Variants in ESR1 observed in about 807,000 individuals in gnomAD.
The protein encoded by ESR1 is estrogen receptor 1, also known as estrogen receptor.
Under a neutral mutation model 52.7 loss-of-function variants are expected in ESR1, and 12 were observed. The ratio of observed to expected loss-of-function variants is 0.23; its 90% CI spans 0.15 to 0.37. The LOEUF is 0.37. Among genes scored for constraint, ESR1 ranks in the 10% least tolerant of loss-of-function variants. ESR1 has a pLI of 1.00. For missense variants in ESR1, 584 were observed against 779.7 expected (o/e 0.75, Z 2.99); for synonymous variants, 305 against 316.8 (o/e 0.96, Z 0.39).
chr6:151,668,261 C>T (rs1777899118), intron 1 of ESR1, among the ~76,000 whole-genome samples: 1 of 149,990 alleles, frequency 6.7e-6, no homozygotes, highest in Non-Finnish European at 1.5e-5. Context: ...GGTAGAAGGG[C>T]AAAAGAGGAA....
At chr6:152,048,472 C>T (rs917850427) in intron 5 of ESR1, among the ~76,000 whole-genome samples, 1 of 151,276 alleles carries the variant, frequency 6.6e-6, no homozygotes, top group East Asian at 1.9e-4. Flanking sequence ...AAGCCCCATT[C>T]TTTTTCTTCT....
At position 151,938,486 on chromosome 6, in the gene ESR1, G is replaced by T. The variant is rs78913351; in HGVS notation, c.761-5687G>T. ...ACAGATCCTTTTATTTTAGGGCCAGGACATAATTATTTAAGCAGTTGATGT... is the reference window on the plus strand; with the variant it reads ...ACAGATCCTTTTATTTTAGGGCCAGTACATAATTATTTAAGCAGTTGATGT... On this transcript the variant is annotated intron_variant, in intron 3 of 7. Transcript: ENST00000206249. Among the ~76,000 whole-genome samples the T allele has an allele frequency of 8.5e-3, 1,301 of 152,226 alleles. 20 individuals are homozygous for T. Among genetic ancestry groups the T allele is most frequent in the African/African-American group, 0.028 (1,144 of 41,540 alleles).
chr6:151,706,846 G>A (rs1780221169), intron 2 of ESR1, among the ~76,000 whole-genome samples: 2 of 152,178 alleles, frequency 1.3e-5, no homozygotes, highest in Non-Finnish European at 2.9e-5. Context: ...TAAAAAAACA[G>A]CTTTACTGGT....
chr6:151,671,015 G>C (rs1778038219), intron 1 of ESR1, among the ~76,000 whole-genome samples: 1 of 152,046 alleles, frequency 6.6e-6, no homozygotes, highest in African/African-American at 2.4e-5. Context: ...TGATCTGCCT[G>C]CCTCGGCCTC....
intron 2 of ESR1, among the ~76,000 whole-genome samples, chr6:151,845,849 T>C (rs1054693628): frequency 6.6e-6 from 1 of 152,192 alleles, no homozygotes; most frequent in Admixed American, 6.5e-5. Context: ...CAGTTCTTCA[T>C]TCATTCACTT....
At chr6:151,666,696 CCCT>C (rs56871778) in intron 1 of ESR1, among the ~76,000 whole-genome samples, 15,191 of 97,114 alleles carry the variant, frequency 0.16, 1,351 homozygotes, top group Middle Eastern at 0.2. Context: ...TTCCCCATCC[CCCT>C]CCTCCTCCTC....
At chr6:152,103,989 T>TTC (rs1407769342), downstream of ESR1, among the ~76,000 whole-genome samples, 1 of 146,178 alleles carries the variant, frequency 6.8e-6, no homozygotes, top group African/African-American at 2.7e-5. Flanking sequence ...CCTTTTTTTT[T>TTC]TTTTTTTTTT....
intron 1 of ESR1, among the ~76,000 whole-genome samples, chr6:151,678,826 A>C (rs914413898): frequency 7.9e-5 from 12 of 152,016 alleles, no homozygotes; most frequent in African/African-American, 2.9e-4. Context: ...AGCTGGGACC[A>C]CAGGTGCATG....
Position 151,731,865 on chromosome 6 carries a change from G to A in ESR1, c.-71+29860G>A, listed in dbSNP as rs1782270003. On this transcript the variant is annotated intron_variant, in intron 2 of 2. Coordinates refer to the ESR1 transcript ENST00000404742. Reference sequence around the variant, plus strand: ...TCTTGATAGACTGCAGCAGATTTCTGCATCAGTAGAAAGTGCTGTTTTCCC... The same window carrying A: ...TCTTGATAGACTGCAGCAGATTTCTACATCAGTAGAAAGTGCTGTTTTCCC... Among the ~76,000 whole-genome samples the A allele has an allele frequency of 2.6e-5, 4 of 152,178 alleles. No individual in the cohort carries two copies. The South Asian group carries it at 8.3e-4, about 31-fold the overall frequency.
chr6:151,808,284 C>G lies in ESR1; in HGVS notation c.372C>G (p.His124Gln). The change falls in exon 1 of 8, where the codon CAC becomes CAG. Residue 124 changes from histidine (H) to glutamine (Q), a missense_variant. By Grantham distance (24) the His-to-Gln change is conservative. This residue lies in a region of ESR1 where 251 missense variants were observed against 246.1 expected (regional missense o/e 1.02). Coordinates refer to ENST00000206249, the MANE Select transcript of ESR1 (RefSeq NM_000125.4). Reference protein sequence around the residue: ...PPQLSPFLQPHGQQVPYYLEN... With the variant: ...PPQLSPFLQPQGQQVPYYLEN... ...AGCTGTCGCCTTTCCTGCAGCCCCACGGCCAGCAGGTGCCCTACTACCTGG... is the reference window on the plus strand; with the variant it reads ...AGCTGTCGCCTTTCCTGCAGCCCCAGGGCCAGCAGGTGCCCTACTACCTGG... The G allele has an allele frequency of 6.3e-7, 1 of 1,584,216 alleles. No homozygotes were observed. Among genetic ancestry groups the G allele is most frequent in the Non-Finnish European group, 8.6e-7 (1 of 1,166,798 alleles).
At chr6:151,773,552 G>A (rs1364935148) in intron 2 of ESR1, among the ~76,000 whole-genome samples, 1 of 152,212 alleles carries the variant, frequency 6.6e-6, no homozygotes, top group Admixed American at 6.5e-5. Context: ...GCATATGTTT[G>A]AAGGCAGCTG....
chr6:152,009,944 A>T (rs898863391), intron 4 of ESR1, among the ~76,000 whole-genome samples: 2 of 152,160 alleles, frequency 1.3e-5, no homozygotes, highest in African/African-American at 2.4e-5. Context: ...CCACATGGCT[A>T]AGTCTTAAAA....
intron 4 of ESR1, among the ~76,000 whole-genome samples, chr6:151,982,541 G>GCCTC (rs1562629055): frequency 3.3e-5 from 5 of 151,758 alleles, no homozygotes; most frequent in African/African-American, 1.2e-4. Context: ...CTGGAATGCA[G>GCCTC]TGGTGTGATC....
At chr6:151,887,040 CAAAA>C (rs11316986) in intron 3 of ESR1, among the ~76,000 whole-genome samples, 1 of 90,800 alleles carries the variant, frequency 1.1e-5, no homozygotes. Context: ...GACTCCATCT[CAAAA>C]AAAAAAAAAA....
chr6:151,945,388 A>G (rs949746958), intron 4 of ESR1, among the ~76,000 whole-genome samples: 3 of 152,242 alleles, frequency 2.0e-5, no homozygotes, highest in Admixed American at 6.5e-5. Context: ...CATCCCTGAA[A>G]GAAACTTTTA....
At chr6:151,772,087 C>A (rs1036490429) in intron 2 of ESR1, among the ~76,000 whole-genome samples, 2 of 152,176 alleles carry the variant, frequency 1.3e-5, no homozygotes, top group African/African-American at 4.8e-5. Flanking sequence ...AAATGCAACA[C>A]GCAAGGCTTT....
chr6:152,060,935 AT>A (rs2047494195), intron 5 of ESR1, 55 bp from the exon 6 acceptor site: 1 of 1,423,238 alleles, frequency 7.0e-7, no homozygotes, highest in African/African-American at 1.4e-5. Context: ...CTTGTGGAAG[AT>A]TTTCTGTTTT....
chr6:151,847,692 C>G (rs1785385833), intron 2 of ESR1, among the ~76,000 whole-genome samples: 1 of 129,420 alleles, frequency 7.7e-6, no homozygotes, highest in Non-Finnish European at 1.6e-5. Context: ...TTGTAGGTTG[C>G]CTGTTCACTC....
intron 1 of ESR1, among the ~76,000 whole-genome samples, chr6:151,827,722 G>A (rs1054199866): frequency 6.6e-6 from 1 of 152,068 alleles, no homozygotes; most frequent in Non-Finnish European, 1.5e-5. Flanking sequence ...GTATTGATTC[G>A]CACTTTGAAG....
Sources: allele counts gnomAD v4.1 joint callset (sites outside exome capture counted in the v4.1 genomes callset), GRCh38; gene constraint gnomAD v4.1.1; regional missense constraint gnomAD v4.1.1; transcripts MANE v1.5; gene names NCBI Gene and HGNC (gene_info 2026-07-23, HGNC 2026-07-21).